MNS1: variants seen among roughly 807,000 people sequenced by gnomAD.
The protein encoded by MNS1 is meiosis specific nuclear structural 1.
MNS1 carries 63 observed loss-of-function variants against 72.0 expected under a neutral mutation model. That is an observed-to-expected ratio of 0.87 (90% CI 0.71 to 1.08). The LOEUF is 1.08. MNS1 is among the 50% of genes least tolerant of loss of function. MNS1 has a pLI of 0.00. For synonymous variants in MNS1, 188 were observed against 172.1 expected (o/e 1.09, Z -0.72); for missense variants, 604 against 562.4 (o/e 1.07, Z -0.75).
chr15:56,428,851 A>T lies in MNS1; in HGVS notation c.*250T>A. ...TAGTCAAGGTAAATATACTGTCTTG[A>T]GGATGGGGATGCAAACAGTGCTCTG... On this transcript the variant is annotated 3_prime_UTR_variant, in exon 10 of 10. Transcript: ENST00000260453. The T allele has an allele frequency of 2.4e-6, 1 of 425,362 alleles. No homozygotes were observed. The highest frequency in any genetic ancestry group is 4.3e-5 in the East Asian group (1 of 23,230). The allele number at this position is 425,362 out of a possible 1,614,324, so 26.3% of individuals were successfully genotyped here. A position where few individuals can be genotyped will look rare whatever the true frequency, so the allele number is the denominator to read the frequency against.
At chr15:56,457,815 TA>T (rs1350685968) in intron 2 of MNS1, among the ~76,000 whole-genome samples, 352 of 139,976 alleles carry the variant, frequency 2.5e-3, no homozygotes, top group South Asian at 2.5e-3. Flanking sequence ...CCCTGTCTCT[TA>T]AAAAAAAAAA....
intron 2 of MNS1, among the ~76,000 whole-genome samples, chr15:56,459,426 A>G (rs953680797): frequency 2.0e-5 from 3 of 152,166 alleles, no homozygotes; most frequent in African/African-American, 7.2e-5. Context: ...ACACTCGTGT[A>G]TGAGTTTTTA....
chr15:56,459,694 C>G (rs1266242091), intron 2 of MNS1, among the ~76,000 whole-genome samples: 1 of 151,802 alleles, frequency 6.6e-6, no homozygotes, highest in African/African-American at 2.4e-5. Context: ...GGAGAAGAAA[C>G]AATGACTGGC....
intron 8 of MNS1, among the ~76,000 whole-genome samples, chr15:56,433,141 A>AATCT (rs1231203758): frequency 1.3e-5 from 2 of 151,436 alleles, no homozygotes; most frequent in Non-Finnish European, 2.9e-5. Context: ...GCACCCTCAA[A>AATCT]ATCTATTTCT....
Position 56,434,628 on chromosome 15 carries a change from C to T in MNS1, c.1012-233G>A, listed in dbSNP as rs193168180. ...ATGAACAAATTTTAATTTATATTTA[C>T]CATCTTGTTTCTCTACTCAGAATTA... On this transcript the variant is annotated intron_variant, in intron 7 of 9. Coordinates refer to ENST00000260453, the MANE Select transcript of MNS1 (RefSeq NM_018365.4). 2.8e-3 allele frequency among the ~76,000 whole-genome samples: 433 copies of T among 152,112 alleles called. 3 individuals carry two copies. The highest frequency in any genetic ancestry group is 0.01 in the African/African-American group (417 of 41,514).
chr15:56,447,150 C>G (rs544133996), intron 3 of MNS1: 2 of 468,416 alleles, frequency 4.3e-6, no homozygotes, highest in East Asian at 7.2e-5. Flanking sequence ...AAGTACTGCT[C>G]TGTTCTATTA....
At chr15:56,431,553 T>A (rs2050596968) in intron 8 of MNS1, 55 bp from the exon 9 acceptor site, 1 of 1,588,834 alleles carries the variant, frequency 6.3e-7, no homozygotes, top group Non-Finnish European at 8.6e-7. Flanking sequence ...TTATACGAAG[T>A]TTTCAAATAA....
Position 56,437,855 on chromosome 15 carries a change from T to TC in MNS1, c.1012-3461dup, listed in dbSNP as rs1484338024. Reference sequence around the variant, plus strand: ...ACAGAGAGCCAAATCATGAGTGAACTCGATTCACAATTGCTTCAAAGAGAA... The same window carrying TC: ...ACAGAGAGCCAAATCATGAGTGAACTCCGATTCACAATTGCTTCAAAGAGAA... On this transcript the variant is annotated intron_variant, in intron 7 of 9. Transcript: ENST00000260453. Among the ~76,000 whole-genome samples the TC allele has an allele frequency of 8.0e-3, 1,212 of 152,012 alleles. 17 individuals carry two copies. The highest frequency in any genetic ancestry group is 0.027 in the African/African-American group (1,134 of 41,386).
rs917764263 is a variant in MNS1 at position 56,428,791 on chromosome 15, C to T, written c.*310G>A. The T allele has an allele frequency of 3.1e-5, 11 of 354,720 alleles. No homozygotes were observed. The highest frequency in any genetic ancestry group is 1.8e-4 in the Admixed American group (4 of 22,786). The allele number at this position is 354,720 out of a possible 1,614,324, so 22.0% of individuals were successfully genotyped here. Reference sequence around the variant, plus strand: ...AGTAAGTAAAGTTCGTAAACACAGACAGAAGGCAGTTCACTTTGGGGTAGA... The same window carrying T: ...AGTAAGTAAAGTTCGTAAACACAGATAGAAGGCAGTTCACTTTGGGGTAGA... On this transcript the variant is annotated 3_prime_UTR_variant, in exon 10 of 10. Transcript: ENST00000260453.
intron 2 of MNS1, among the ~76,000 whole-genome samples, chr15:56,461,975 GTT>G (rs56022687): frequency 0.015 from 1,477 of 97,568 alleles, 64 homozygotes; most frequent in Admixed American, 0.051. Flanking sequence ...TTTTGTTGTT[GTT>G]TTTTTTTTTT....
At chr15:56,449,741 A>G (rs936149292) in intron 3 of MNS1, among the ~76,000 whole-genome samples, 1 of 152,240 alleles carries the variant, frequency 6.6e-6, no homozygotes, top group African/African-American at 2.4e-5. Context: ...TTTAAAAGTT[A>G]TAGGAACATT....
chr15:56,436,923 T>C (rs1419051744), intron 7 of MNS1, among the ~76,000 whole-genome samples: 2 of 152,100 alleles, frequency 1.3e-5, no homozygotes, highest in African/African-American at 4.8e-5. Flanking sequence ...AATCCCTGAA[T>C]AGACCAATAA....
intron 8 of MNS1, 24 bp from the exon 9 acceptor site, chr15:56,431,522 T>A (rs377589964): frequency 5.0e-6 from 8 of 1,612,848 alleles, no homozygotes; most frequent in Non-Finnish European, 5.1e-6. Context: ...TCAAATTTTG[T>A]TATCACAAAG....
chr15:56,463,927 G>C (rs1328563591), intron 2 of MNS1, 99 bp downstream of exon 2: 4 of 949,460 alleles, frequency 4.2e-6, no homozygotes, highest in Non-Finnish European at 6.3e-6. Context: ...CTTACCTGCT[G>C]CTGTTGTTTA....
chr15:56,431,244 G>A (rs1218756936), intron 9 of MNS1, 129 bp downstream of exon 9: 32 of 1,015,154 alleles, frequency 3.2e-5, no homozygotes, highest in African/African-American at 1.3e-4. Context: ...GCCTGGACAG[G>A]AGGATCCCAT....
At chr15:56,452,827 T>G (rs1164953049) in intron 3 of MNS1, among the ~76,000 whole-genome samples, 5 of 152,146 alleles carry the variant, frequency 3.3e-5, no homozygotes, top group African/African-American at 1.2e-4. Flanking sequence ...CTAATCCATA[T>G]TGTTTTCACA....
intron 9 of MNS1, 45 bp downstream of exon 9, chr15:56,431,328 T>C (rs1336240636): frequency 6.3e-7 from 1 of 1,595,996 alleles, no homozygotes; most frequent in Admixed American, 1.8e-5. Flanking sequence ...TTTTTTTCAC[T>C]ATTACAGGTC....
At chr15:56,431,576 A>G in intron 8 of MNS1, 78 bp from the exon 9 acceptor site, 1 of 1,424,622 alleles carries the variant, frequency 7.0e-7, no homozygotes, top group African/African-American at 1.4e-5. Flanking sequence ...CTACTCATGC[A>G]ATGAATTAGA....
intron 2 of MNS1, among the ~76,000 whole-genome samples, chr15:56,457,014 A>G (rs1317075898): frequency 1.3e-5 from 2 of 152,164 alleles, no homozygotes; most frequent in Non-Finnish European, 2.9e-5. Flanking sequence ...AGCTTTCCCA[A>G]TTGTCTCAAC....
Sources: allele counts gnomAD v4.1 joint callset (sites outside exome capture counted in the v4.1 genomes callset), GRCh38; gene constraint gnomAD v4.1.1; transcripts MANE v1.5; gene names NCBI Gene and HGNC (gene_info 2026-07-23, HGNC 2026-07-21).